The following PPFIA4 variants were observed in gnomAD, a reference collection of about 807,000 sequenced individuals.
PPFIA4 encodes liprin-alpha-4.
A neutral mutation model predicts 145.7 loss-of-function variants in PPFIA4; 98 were observed. The ratio of observed to expected loss-of-function variants is 0.67; its 90% CI spans 0.57 to 0.80. PPFIA4 has a LOEUF of 0.80. Ranked by LOEUF, PPFIA4 falls within the 30% of genes least tolerant of loss-of-function variation. PPFIA4 has a pLI of 0.00. For synonymous variants in PPFIA4, 628 were observed against 649.6 expected (o/e 0.97, Z 0.51); for missense variants, 1,457 against 1,632.7 (o/e 0.89, Z 1.85).
chr1:203,049,423 G>C (rs973630205), intron 12 of PPFIA4, among the ~76,000 whole-genome samples: 1 of 152,190 alleles, frequency 6.6e-6, no homozygotes, highest in South Asian at 2.1e-4. Context: ...GCCTAGGCTA[G>C]CAGAGCCCTC....
chr1:203,035,628 T>TA (rs1406162308), intron 1 of PPFIA4: 5 of 456,670 alleles, frequency 1.1e-5, no homozygotes, highest in Non-Finnish European at 2.2e-5. Context: ...CTTTCGCCTC[T>TA]GAATCAGGAC....
rs1206827463 is a variant in PPFIA4, at chr1:203,076,791, C to T, written c.*401C>T. On this transcript the variant is annotated 3_prime_UTR_variant, in exon 30 of 30. Coordinates refer to ENST00000295706, the MANE Select transcript of PPFIA4 (RefSeq NM_001304331.2). The stretch of plus-strand genomic sequence containing the variant: ...TGGGATGGTCCTTCCAAGAAAGGGT[C>T]ATTTCAGACGCAGCCCTGCTTGGGC... 1 of 243,692 alleles carries T rather than the reference C, an allele frequency of 4.1e-6. No individual in the cohort carries two copies. Among genetic ancestry groups the T allele is most frequent in the African/African-American group, 2.2e-5 (1 of 44,624 alleles). 15.1% of individuals were successfully genotyped at this position (243,692 alleles called of 1,614,324 possible).
chr1:203,071,439 C>T (rs528766221), intron 27 of PPFIA4, among the ~76,000 whole-genome samples: 9 of 65,760 alleles, frequency 1.4e-4, no homozygotes, highest in East Asian at 7.3e-4. Flanking sequence ...CCAAAGTGCC[C>T]GGCCACTACT....
At chr1:203,070,079 A>G (rs1171813683) in intron 27 of PPFIA4, among the ~76,000 whole-genome samples, 1 of 151,746 alleles carries the variant, frequency 6.6e-6, no homozygotes, top group Non-Finnish European at 1.5e-5. Context: ...CTCTACGCTT[A>G]ATATTTTCTA....
At chr1:203,042,823 G>A (rs1393851437) in intron 2 of PPFIA4, among the ~76,000 whole-genome samples, 3 of 152,042 alleles carry the variant, frequency 2.0e-5, no homozygotes, top group Admixed American at 6.6e-5. Context: ...ATTTTTAGTC[G>A]AGACAGGGTT....
chr1:203,047,670 C>T (rs1201111583), intron 9 of PPFIA4, among the ~76,000 whole-genome samples: 2 of 152,186 alleles, frequency 1.3e-5, no homozygotes, highest in African/African-American at 4.8e-5. Flanking sequence ...TGAGTGCTTA[C>T]TATGTTCTCA....
At chr1:203,029,406 C>T (rs1161530950) in intron 1 of PPFIA4, among the ~76,000 whole-genome samples, 1 of 152,232 alleles carries the variant, frequency 6.6e-6, no homozygotes, top group African/African-American at 2.4e-5. Flanking sequence ...GTTGGTCAAA[C>T]TCCACGTGGT....
In PPFIA4 at chr1:203,053,797, T is replaced by C; in HGVS notation, c.1665T>C (p.Ala555=). The change falls in exon 15 of 30, where the codon GCT becomes GCC. Residue 555 remains alanine (A), a synonymous_variant. Coordinates refer to ENST00000295706, the MANE Select transcript of PPFIA4 (RefSeq NM_001304331.2). ...SPLPGMLAPA[A]GPAFDSDPEI... ...TGCCTGGGATGCTGGCCCCGGCAGC[T>C]GGCCCTGCCTTTGACAGTGACCCTG... 6.4e-7 allele frequency: 1 copy of C among 1,552,596 alleles called. No homozygotes were observed. The highest frequency in any genetic ancestry group is 2.0e-5 in the Admixed American group (1 of 51,172).
At chr1:203,056,001 C>G in intron 16 of PPFIA4, 119 bp from the exon 17 acceptor site, 4 of 1,006,748 alleles carry the variant, frequency 4.0e-6, no homozygotes, top group Middle Eastern at 4.3e-4. Context: ...ATATTCTCTC[C>G]GGGCCTGTGT....
rs751335461 is a variant in PPFIA4, at chr1:203,048,344, C to A, written c.1224+34C>A. 4 of 1,601,912 alleles carry A rather than the reference C, an allele frequency of 2.5e-6. No homozygotes were observed. Among genetic ancestry groups the A allele is most frequent in the Non-Finnish European group, 3.4e-6 (4 of 1,174,038 alleles). On this transcript the variant is annotated intron_variant, in intron 10 of 29. Coordinates refer to ENST00000295706, the MANE Select transcript of PPFIA4 (RefSeq NM_001304331.2). The surrounding 1 kb of genome is among the most constrained non-coding windows in gnomAD (Gnocchi z 5.8). ...ACCAGGCCGGGCCCTCAGGCCCCCT[C>A]CTTCCCGCAGGACAGGCTCCCAGGG... is the stretch of plus-strand genomic sequence containing the variant.
rs142747422 is a variant in PPFIA4 at position 203,067,523 on chromosome 1, C to T, written c.3051-172C>T. 56 of 613,392 alleles carry T rather than the reference C, an allele frequency of 9.1e-5. 1 individual carries two copies. The highest frequency in any genetic ancestry group is 6.9e-4 in the East Asian group (25 of 36,050). 38.0% of individuals were successfully genotyped at this position (613,392 alleles called of 1,614,324 possible). ...GTTAGACAGAGAAAGGGAGTAACCTCGGGATGGGTCGCAGGCAAGGCCCTG... is the reference window on the plus strand; with the variant it reads ...GTTAGACAGAGAAAGGGAGTAACCTTGGGATGGGTCGCAGGCAAGGCCCTG... On this transcript the variant is annotated intron_variant, in intron 25 of 29. Transcript: ENST00000295706.
At position 203,038,808 on chromosome 1, in the gene PPFIA4, C is replaced by T; in HGVS notation, c.-201C>T. The T allele has an allele frequency of 6.4e-6, 3 of 470,036 alleles. No individual in the cohort carries two copies. Among genetic ancestry groups the T allele is most frequent in the Non-Finnish European group, 1.1e-5 (3 of 265,156 alleles). The allele number at this position is 470,036 out of a possible 1,614,324, so 29.1% of individuals were successfully genotyped here. ...TGAGAAGTTAAGCCAGGCCTTCTGG[C>T]TCAGTTCCACAGGGGCACTCCAGAC... is the stretch of plus-strand genomic sequence containing the variant. On this transcript the variant is annotated 5_prime_UTR_variant, in exon 2 of 30. Transcript: ENST00000295706.
intron 25 of PPFIA4, among the ~76,000 whole-genome samples, chr1:203,066,138 G>A (rs1303575567): frequency 6.6e-6 from 1 of 152,228 alleles, no homozygotes; most frequent in Non-Finnish European, 1.5e-5. Context: ...AGCTTTGAAA[G>A]GAACTGGACT....
chr1:203,065,621 A>G (rs1661683617), intron 25 of PPFIA4, among the ~76,000 whole-genome samples: 1 of 152,214 alleles, frequency 6.6e-6, no homozygotes, highest in Admixed American at 6.5e-5. Flanking sequence ...GCATTTTCAC[A>G]TCTCACCGCC....
chr1:203,074,636 T>G (rs1309702509), intron 28 of PPFIA4, among the ~76,000 whole-genome samples: 2 of 151,814 alleles, frequency 1.3e-5, no homozygotes, highest in Non-Finnish European at 2.9e-5. Flanking sequence ...CAAGAACAGG[T>G]GGGTGAATGT....
intron 28 of PPFIA4, among the ~76,000 whole-genome samples, chr1:203,073,236 G>T (rs1662292719): frequency 6.6e-6 from 1 of 152,178 alleles, no homozygotes; most frequent in Non-Finnish European, 1.5e-5. Flanking sequence ...CTCTAAGAGG[G>T]AACTTACCTG....
At position 203,059,238 on chromosome 1, in the gene PPFIA4, C is replaced by T; in HGVS notation, c.2468C>T (p.Thr823Ile). 6.4e-7 allele frequency: 1 copy of T among 1,555,510 alleles called. No individual in the cohort carries two copies. Among genetic ancestry groups the T allele is most frequent in the Non-Finnish European group, 8.8e-7 (1 of 1,142,058 alleles). The change falls in exon 20 of 30, where the codon ACC becomes ATC. Residue 823 changes from threonine (T) to isoleucine (I), a missense_variant. Physicochemically the swap from Thr to Ile is moderately conservative, Grantham distance 89 (BLOSUM62 -1). Around this residue, in one of 3 missense-constraint regions of PPFIA4, gnomAD observed 848 missense variants for 1,046.7 expected, o/e 0.81. Transcript: ENST00000295706. The part of the protein sequence containing the change: ...QEPMVPAKLG[T>I]QAEKDRRLKK... ...CCTATGGTGCCTGCCAAGCTGGGGA[C>T]CCAGGCAGAGAAGGACCGGCGGCTA...
At chr1:203,045,626 G>A in intron 7 of PPFIA4, 67 bp downstream of exon 7, 1 of 1,483,936 alleles carries the variant, frequency 6.7e-7, no homozygotes, top group South Asian at 1.4e-5. Flanking sequence ...GCCAGGCAAA[G>A]GCTCTGGGGC....
At chr1:203,051,267 C>T (rs1571697986) in intron 13 of PPFIA4, 1 of 985,784 alleles carries the variant, frequency 1.0e-6, no homozygotes, top group Non-Finnish European at 1.2e-6. Flanking sequence ...GAATTTTAAC[C>T]AGGGACTCAG....
Sources: gnomAD v4.1 joint callset for allele counts (sites outside exome capture counted in the v4.1 genomes callset) on GRCh38, gnomAD v4.1.1 for gene constraint, gnomAD v4.1.1 regional missense constraint, Gnocchi (gnomAD v3.1) non-coding constraint, MANE v1.5 for transcripts, NCBI Gene and HGNC (gene_info 2026-07-23, HGNC 2026-07-21) for gene names.